Variants in TMEM108 observed in about 807,000 individuals in gnomAD.
TMEM108 encodes cancer/testis antigen 124.
TMEM108 carries 12 observed loss-of-function variants against 35.1 expected under a neutral mutation model. The observed-to-expected ratio is 0.34, with a 90% CI of 0.22 to 0.55. The LOEUF (loss-of-function observed/expected upper bound fraction) is 0.55. Ranked by LOEUF, TMEM108 falls within the 20% of genes least tolerant of loss-of-function variation. The pLI, the probability that TMEM108 is intolerant of heterozygous loss-of-function variation, is 0.89. For missense variants in TMEM108, 680 were observed against 753.3 expected, an observed-to-expected ratio of 0.90 and a Z score of 1.14; for synonymous variants, 287 against 308.6, an observed-to-expected ratio of 0.93 and a Z score of 0.73.
At chr3:133,067,277 C>CT (rs1943619454) in intron 2 of TMEM108, among the ~76,000 whole-genome samples, 1 of 152,102 alleles carries the variant, frequency 6.6e-6, no homozygotes, top group Non-Finnish European at 1.5e-5. Flanking sequence ...GCTTCACAGC[C>CT]TTATGATACT....
intron 2 of TMEM108, among the ~76,000 whole-genome samples, chr3:133,126,415 C>T (rs1050685317): frequency 5.3e-5 from 8 of 150,990 alleles, no homozygotes; most frequent in African/African-American, 1.2e-4. Context: ...TGCAGTAAGC[C>T]GAGATAGCGC....
At chr3:133,221,694 G>T (rs1164760725) in intron 2 of TMEM108, among the ~76,000 whole-genome samples, 5 of 86,322 alleles carry the variant, frequency 5.8e-5, no homozygotes, top group Admixed American at 1.5e-4. Flanking sequence ...CACTTTTGTG[G>T]CTCCACTATA....
At chr3:133,145,553 G>A (rs1944706692) in intron 2 of TMEM108, among the ~76,000 whole-genome samples, 1 of 152,200 alleles carries the variant, frequency 6.6e-6, no homozygotes, top group East Asian at 1.9e-4. Context: ...AATTACTTTG[G>A]GCAGCGTGGC....
chr3:133,364,573 A>G (rs891112487), intron 3 of TMEM108, among the ~76,000 whole-genome samples: 1 of 152,232 alleles, frequency 6.6e-6, no homozygotes, highest in African/African-American at 2.4e-5. Context: ...CTTATATACC[A>G]TCTATTAGAG....
chr3:133,208,391 T>A (rs1945788424), intron 2 of TMEM108, among the ~76,000 whole-genome samples: 1 of 152,220 alleles, frequency 6.6e-6, no homozygotes, highest in Admixed American at 6.5e-5. Context: ...AGGAGCCAGA[T>A]CTATCCAGGT....
chr3:133,294,045 A>T (rs984341180), intron 3 of TMEM108, among the ~76,000 whole-genome samples: 2 of 152,326 alleles, frequency 1.3e-5, no homozygotes, highest in South Asian at 4.1e-4. Context: ...ATATTAATGT[A>T]CCACTCTCTG....
intron 3 of TMEM108, among the ~76,000 whole-genome samples, chr3:133,333,851 G>A (rs1321790021): frequency 2.6e-5 from 4 of 152,096 alleles, no homozygotes; most frequent in Admixed American, 2.6e-4. Flanking sequence ...GACAGTCAAG[G>A]GACATTCTGA....
At chr3:133,111,949 C>T (rs1423222856) in intron 2 of TMEM108, among the ~76,000 whole-genome samples, 1 of 152,114 alleles carries the variant, frequency 6.6e-6, no homozygotes, top group Non-Finnish European at 1.5e-5. Flanking sequence ...GGTGGCAGGT[C>T]TGTATTGACA....
At chr3:133,167,523 C>T (rs1945059812) in intron 2 of TMEM108, among the ~76,000 whole-genome samples, 1 of 152,252 alleles carries the variant, frequency 6.6e-6, no homozygotes, top group South Asian at 2.1e-4. Context: ...GCTACAGGTC[C>T]CAAGCCCTGC....
At chr3:133,069,033 G>A (rs146920915) in intron 2 of TMEM108, among the ~76,000 whole-genome samples, 3 of 152,280 alleles carry the variant, frequency 2.0e-5, no homozygotes, top group East Asian at 3.9e-4. Context: ...ACAAAGGAAG[G>A]CTGGGAAATG....
intron 2 of TMEM108, among the ~76,000 whole-genome samples, chr3:133,068,297 C>G (rs1031754378): frequency 6.6e-6 from 1 of 151,944 alleles, no homozygotes; most frequent in African/African-American, 2.4e-5. Context: ...AAAAGGTTAG[C>G]CAGGTGTTGT....
At chr3:133,328,412 T>G (rs2071356371) in intron 3 of TMEM108, among the ~76,000 whole-genome samples, 1 of 152,168 alleles carries the variant, frequency 6.6e-6, no homozygotes, top group African/African-American at 2.4e-5. Flanking sequence ...GGTGGTAGAC[T>G]AAAAGCCTAC....
chr3:133,357,800 G>A (rs1189964369), intron 3 of TMEM108, among the ~76,000 whole-genome samples: 1 of 152,110 alleles, frequency 6.6e-6, no homozygotes, highest in Non-Finnish European at 1.5e-5. Flanking sequence ...TGGGAGGCGG[G>A]TGAGGGATAA....
At chr3:133,046,585 C>T (rs1421406417) in intron 2 of TMEM108, among the ~76,000 whole-genome samples, 2 of 152,196 alleles carry the variant, frequency 1.3e-5, no homozygotes, top group Non-Finnish European at 2.9e-5. Flanking sequence ...GTCACATGCC[C>T]ATTCATGCCT....
intron 3 of TMEM108, among the ~76,000 whole-genome samples, chr3:133,295,752 A>G (rs755676015): frequency 6.6e-6 from 1 of 152,220 alleles, no homozygotes; most frequent in African/African-American, 2.4e-5. Flanking sequence ...CAACTTGGTT[A>G]CATTACTTTG....
At chr3:133,139,549 A>G (rs914082641) in intron 2 of TMEM108, among the ~76,000 whole-genome samples, 5 of 152,206 alleles carry the variant, frequency 3.3e-5, no homozygotes, top group Non-Finnish European at 7.3e-5. Context: ...TAGACACCCA[A>G]TGACTAGGGG....
At chr3:133,327,737 A>G (rs2071348347) in intron 3 of TMEM108, among the ~76,000 whole-genome samples, 1 of 152,160 alleles carries the variant, frequency 6.6e-6, no homozygotes, top group Non-Finnish European at 1.5e-5. Flanking sequence ...TGGAAAGAGC[A>G]GAGGTAAGGC....
chr3:133,144,284 C>T (rs1185792358), intron 2 of TMEM108, among the ~76,000 whole-genome samples: 2 of 152,056 alleles, frequency 1.3e-5, no homozygotes, highest in Admixed American at 1.3e-4. Context: ...CATCCATGTC[C>T]CTGCAAAGGA....
At chr3:133,351,778 GTGAACTAAGTCTGTCTCATTCCAAGGACA>G (rs1448455546) in intron 3 of TMEM108, among the ~76,000 whole-genome samples, 1 of 152,156 alleles carries the variant, frequency 6.6e-6, no homozygotes, top group African/African-American at 2.4e-5. Flanking sequence ...CCACCTGGAT[GTGAACTAAGTCTGTCTCATTCCAAGGACA>G]TCACTCTCCC....
Sources: allele counts gnomAD v4.1 joint callset (sites outside exome capture counted in the v4.1 genomes callset), GRCh38; gene constraint gnomAD v4.1.1; transcripts MANE v1.5; gene names NCBI Gene and HGNC (gene_info 2026-07-23, HGNC 2026-07-21).